Variants in TBL1XR1 observed in about 807,000 individuals in gnomAD.
The protein encoded by TBL1XR1 is F-box-like/WD repeat-containing protein TBL1XR1.
TBL1XR1 carries 5 observed loss-of-function variants against 66.9 expected under a neutral mutation model. The ratio of observed to expected loss-of-function variants is 0.07; its 90% CI spans 0.04 to 0.16. The LOEUF (loss-of-function observed/expected upper bound fraction) is 0.16. Among genes scored for constraint, TBL1XR1 ranks in the 10% least tolerant of loss-of-function variants. The pLI, the probability that TBL1XR1 is intolerant of heterozygous loss-of-function variation, is 1.00. For synonymous variants in TBL1XR1, 210 were observed against 206.0 expected (o/e 1.02, Z -0.17); for missense variants, 238 against 623.2 (o/e 0.38, Z 6.58).
At chr3:177,133,886 A>AC (rs1359846637) in intron 1 of TBL1XR1, among the ~76,000 whole-genome samples, 1 of 151,752 alleles carries the variant, frequency 6.6e-6, no homozygotes, top group Non-Finnish European at 1.5e-5. Flanking sequence ...CAAAAAAAAA[A>AC]AAAAAAAAAG....
At chr3:177,190,254 A>T (rs1451500801) in intron 1 of TBL1XR1, among the ~76,000 whole-genome samples, 1 of 152,016 alleles carries the variant, frequency 6.6e-6, no homozygotes, top group Non-Finnish European at 1.5e-5. Context: ...TCCTAACTAG[A>T]CTAGGTTTTC....
In TBL1XR1 at chr3:177,047,381, G is replaced by A. The variant is rs781650987; in HGVS notation, c.783C>T (p.Thr261=). Residue 261 remains threonine (T), a synonymous_variant, in exon 9 of 16, where the codon ACC becomes ACT. Coordinates refer to ENST00000457928, the MANE Select transcript of TBL1XR1 (RefSeq NM_024665.7). ...ATATAGGGCCTTTATGCTGCCCTAA[G>A]GTGCTAGCAAGGTTACCTAAAATGC... The part of the protein sequence containing the change: ...IWTKDGNLAS[T]LGQHKGPIFA... 1.9e-6 allele frequency: 3 copies of A among 1,579,806 alleles called. No homozygotes were observed. The highest frequency in any genetic ancestry group is 3.6e-5 in the Admixed American group (2 of 55,568).
intron 1 of TBL1XR1, among the ~76,000 whole-genome samples, chr3:177,177,946 G>A (rs1734352108): frequency 2.0e-5 from 3 of 152,192 alleles, no homozygotes; most frequent in Non-Finnish European, 4.4e-5. Context: ...GGGTCTGATG[G>A]CTGAAAACTG....
At chr3:177,135,338 CATATAT>C (rs1177634107) in intron 1 of TBL1XR1, among the ~76,000 whole-genome samples, 30 of 22,480 alleles carry the variant, frequency 1.3e-3, no homozygotes, top group South Asian at 6.0e-3. Context: ...TGTGTGTATA[CATATAT>C]ATATATATAT....
chr3:177,155,178 A>C (rs1731343877), intron 1 of TBL1XR1, among the ~76,000 whole-genome samples: 1 of 152,206 alleles, frequency 6.6e-6, no homozygotes, highest in Non-Finnish European at 1.5e-5. Context: ...AAGTTTAAGA[A>C]GCTAGAAAAA....
At chr3:177,118,834 A>ACACT (rs1553848288) in intron 1 of TBL1XR1, among the ~76,000 whole-genome samples, 1 of 151,818 alleles carries the variant, frequency 6.6e-6, no homozygotes, top group African/African-American at 2.4e-5. Context: ...AAATCAAGAG[A>ACACT]TACGATTTAG....
intron 1 of TBL1XR1, among the ~76,000 whole-genome samples, chr3:177,159,166 A>G (rs75962797): frequency 5.3e-5 from 8 of 151,992 alleles, no homozygotes; most frequent in African/African-American, 1.2e-4. Context: ...AAAAAAAAAA[A>G]GAGAGAAATC....
At chr3:177,126,685 G>A (rs1727670020) in intron 1 of TBL1XR1, among the ~76,000 whole-genome samples, 1 of 152,034 alleles carries the variant, frequency 6.6e-6, no homozygotes, top group Non-Finnish European at 1.5e-5. Flanking sequence ...AAGTTCCATG[G>A]TAGCCTACTA....
At chr3:177,128,535 G>C (rs990489350) in intron 1 of TBL1XR1, among the ~76,000 whole-genome samples, 1 of 152,052 alleles carries the variant, frequency 6.6e-6, no homozygotes, top group Admixed American at 6.5e-5. Context: ...CACCACGCCT[G>C]GTTAATTTTT....
At chr3:177,053,685 T>A in intron 4 of TBL1XR1, 88 bp downstream of exon 4, 2 of 1,320,092 alleles carry the variant, frequency 1.5e-6, no homozygotes. Flanking sequence ...GAAGCTAAAG[T>A]CAGAATACTG....
chr3:177,042,112 T>A (rs1181616758), intron 10 of TBL1XR1, among the ~76,000 whole-genome samples: 5 of 152,232 alleles, frequency 3.3e-5, no homozygotes. Context: ...CCTAATTCAG[T>A]AACTACTGTG....
In TBL1XR1 at chr3:177,147,980, G is replaced by GT. The variant is rs1373708461; in HGVS notation, c.-122+49140dup. ...CACAGAGCTACCTGGTAGCAATATGGTAACACCCAGAATCTTTCCACCATT... is the reference window on the plus strand; with the variant it reads ...CACAGAGCTACCTGGTAGCAATATGGTTAACACCCAGAATCTTTCCACCATT... On this transcript the variant is annotated intron_variant, in intron 1 of 15. Coordinates refer to ENST00000457928, the MANE Select transcript of TBL1XR1 (RefSeq NM_024665.7). Among the ~76,000 whole-genome samples the GT allele has an allele frequency of 3.9e-5, 6 of 152,298 alleles. No homozygotes were observed. In the South Asian group the frequency reaches 6.2e-4, roughly 16 times the overall value.
intron 1 of TBL1XR1, chr3:177,171,555 A>AGGTGT: frequency 6.7e-6 from 1 of 148,746 alleles, no homozygotes; most frequent in East Asian, 2.0e-4. Flanking sequence ...AAAATTAACC[A>AGGTGT]GGTGTGGTGT....
At chr3:177,109,902 G>T (rs181919489) in intron 1 of TBL1XR1, among the ~76,000 whole-genome samples, 7 of 152,230 alleles carry the variant, frequency 4.6e-5, no homozygotes, top group East Asian at 3.9e-4. Flanking sequence ...TCGATGTTCT[G>T]TGTACAGACA....
chr3:177,118,144 C>G (rs946932045), intron 1 of TBL1XR1, among the ~76,000 whole-genome samples: 3 of 152,140 alleles, frequency 2.0e-5, no homozygotes, highest in Non-Finnish European at 2.9e-5. Context: ...CAATGACTAC[C>G]CACATTCTAA....
intron 1 of TBL1XR1, among the ~76,000 whole-genome samples, chr3:177,140,324 C>T (rs141759370): frequency 8.5e-4 from 129 of 152,150 alleles, no homozygotes; most frequent in African/African-American, 3.0e-3. Flanking sequence ...GTACCTTGAA[C>T]GTATATTCCT....
At chr3:177,168,655 G>T (rs1302800642) in intron 1 of TBL1XR1, among the ~76,000 whole-genome samples, 1 of 152,164 alleles carries the variant, frequency 6.6e-6, no homozygotes, top group East Asian at 1.9e-4. Context: ...TGGTGTTCAT[G>T]AAAGGATGTG....
chr3:177,201,436 A>AAG (rs1491441422), upstream of TBL1XR1, among the ~76,000 whole-genome samples: 1 of 150,140 alleles, frequency 6.7e-6, no homozygotes, highest in East Asian at 2.0e-4. Flanking sequence ...AAAAAAAAAA[A>AAG]CAAATCCTGA....
intron 2 of TBL1XR1, among the ~76,000 whole-genome samples, chr3:177,084,266 A>T (rs1201162996): frequency 6.6e-6 from 1 of 152,118 alleles, no homozygotes; most frequent in Non-Finnish European, 1.5e-5. Flanking sequence ...GCACTTCCCC[A>T]CTTAATCCCT....
Sources: allele counts gnomAD v4.1 joint callset (sites outside exome capture counted in the v4.1 genomes callset), GRCh38; gene constraint gnomAD v4.1.1; transcripts MANE v1.5; gene names NCBI Gene and HGNC (gene_info 2026-07-23, HGNC 2026-07-21).